Variants in CTDSPL observed in about 807,000 individuals in gnomAD.
The protein encoded by CTDSPL is CTD small phosphatase-like protein.
A neutral mutation model predicts 30.5 loss-of-function variants in CTDSPL; 8 were observed. That is an observed-to-expected ratio of 0.26 (90% confidence interval 0.15 to 0.47). The LOEUF (loss-of-function observed/expected upper bound fraction) is 0.47, where lower values mean the gene tolerates loss of function less well. CTDSPL is among the 20% of genes least tolerant of loss of function. The pLI is 0.99. For synonymous variants in CTDSPL, 110 were observed against 137.9 expected (o/e 0.80, Z 1.42); for missense variants, 248 against 366.1 (o/e 0.68, Z 2.63).
At chr3:37,949,380 A>G (rs1327957476) in intron 2 of CTDSPL, among the ~76,000 whole-genome samples, 1 of 152,258 alleles carries the variant, frequency 6.6e-6, no homozygotes, top group Non-Finnish European at 1.5e-5. Flanking sequence ...AGCATAGATT[A>G]TAATACCGAA....
chr3:37,928,945 T>C (rs1391687122), intron 1 of CTDSPL, among the ~76,000 whole-genome samples: 1 of 152,234 alleles, frequency 6.6e-6, no homozygotes, highest in Non-Finnish European at 1.5e-5. Flanking sequence ...CCATTTTGAG[T>C]TGACTTTTGT....
At chr3:37,963,546 G>A (rs1699266001) in intron 3 of CTDSPL, among the ~76,000 whole-genome samples, 1 of 152,176 alleles carries the variant, frequency 6.6e-6, no homozygotes, top group Non-Finnish European at 1.5e-5. Context: ...ATTAAAGAGA[G>A]TTTGACCTTC....
intron 5 of CTDSPL, 71 bp from the exon 6 acceptor site, chr3:37,971,336 G>A: frequency 1.5e-6 from 2 of 1,343,562 alleles, no homozygotes; most frequent in Non-Finnish European, 2.1e-6. Flanking sequence ...TTCCTACAGT[G>A]GGCATTTGGG....
chr3:37,887,993 A>G (rs541961144), intron 1 of CTDSPL, among the ~76,000 whole-genome samples: 3 of 152,206 alleles, frequency 2.0e-5, no homozygotes, highest in Non-Finnish European at 4.4e-5. Context: ...ACAGGCTGCA[A>G]CCACGCAGAT....
intron 1 of CTDSPL, among the ~76,000 whole-genome samples, chr3:37,885,061 G>T (rs981283431): frequency 6.6e-6 from 1 of 152,210 alleles, no homozygotes; most frequent in East Asian, 1.9e-4. Flanking sequence ...GGCCCAGCAG[G>T]CTTCACAGAG....
In CTDSPL at chr3:37,984,109, C is replaced by T. The variant is rs755537888; in HGVS notation, c.*3242C>T. On this transcript the variant is annotated 3_prime_UTR_variant, in exon 8 of 8. Transcript: ENST00000273179. ...TGCCTCTGCTTTTAAAGGTGCTGTGCTGGACAGTTGGCATGCCAGGGTTCG... is the reference window on the plus strand; with the variant it reads ...TGCCTCTGCTTTTAAAGGTGCTGTGTTGGACAGTTGGCATGCCAGGGTTCG... 4 of 439,326 alleles carry T rather than the reference C, an allele frequency of 9.1e-6. No individual in the cohort carries two copies. Among genetic ancestry groups the T allele is most frequent in the Non-Finnish European group, 1.9e-5 (4 of 214,364 alleles). The allele number at this position is 439,326 out of a possible 1,614,324, so 27.2% of individuals were successfully genotyped here. A position where few individuals can be genotyped will look rare whatever the true frequency, so the allele number is the denominator to read the frequency against.
chr3:37,954,179 G>A (rs913657208), intron 2 of CTDSPL, among the ~76,000 whole-genome samples: 4 of 152,330 alleles, frequency 2.6e-5, no homozygotes, highest in Admixed American at 1.3e-4. Context: ...GTACTCAGCC[G>A]TATCTATCAG....
At chr3:37,866,959 A>G (rs901387893) in intron 1 of CTDSPL, among the ~76,000 whole-genome samples, 4 of 152,242 alleles carry the variant, frequency 2.6e-5, no homozygotes, top group Admixed American at 2.0e-4. Flanking sequence ...GAGACTTTCT[A>G]TGCCCTCTAC....
intron 1 of CTDSPL, among the ~76,000 whole-genome samples, chr3:37,936,622 C>T (rs1405665540): frequency 1.4e-5 from 2 of 146,892 alleles, no homozygotes; most frequent in African/African-American, 2.6e-5. Context: ...TTAAATGTCC[C>T]TGGCCTTCAG....
At position 37,915,157 on chromosome 3, in the gene CTDSPL, T is replaced by C. The variant is rs530094007; in HGVS notation, c.80-31900T>C. On this transcript the variant is annotated intron_variant, in intron 1 of 7. Coordinates refer to ENST00000273179, the MANE Select transcript of CTDSPL (RefSeq NM_001008392.2). ...TGATATTCTAGTGTCTTCTGGCTTT[T>C]AGTATATTCATTAAATGAATTGTTG... Among the ~76,000 whole-genome samples the C allele has an allele frequency of 2.6e-4, 39 of 152,328 alleles. 1 individual carries two copies. The South Asian group carries it at 7.2e-3, about 28-fold the overall frequency.
intron 1 of CTDSPL, among the ~76,000 whole-genome samples, chr3:37,919,350 A>T (rs1036316931): frequency 6.6e-5 from 10 of 152,160 alleles, no homozygotes; most frequent in African/African-American, 2.4e-4. Context: ...AATATTTAGA[A>T]CAGTTTCCAG....
intron 1 of CTDSPL, among the ~76,000 whole-genome samples, chr3:37,935,284 T>G (rs1698902160): frequency 6.6e-6 from 1 of 152,174 alleles, no homozygotes; most frequent in South Asian, 2.1e-4. Flanking sequence ...CTCACCACCA[T>G]CGTCTATATG....
In CTDSPL at chr3:37,967,882, G is replaced by A; in HGVS notation, c.426G>A (p.Gln142=). The A allele has an allele frequency of 6.3e-7, 1 of 1,587,988 alleles. No homozygotes were observed. Among genetic ancestry groups the A allele is most frequent in the Admixed American group, 1.8e-5 (1 of 54,870 alleles). The change falls in exon 5 of 8, where the codon CAG becomes CAA. Residue 142 remains glutamine (Q), a splice_region_variant and synonymous_variant. Transcript: ENST00000273179. The part of the protein sequence containing the change: ...VPVEIDGTIH[Q]VYVLKRPHVD... The stretch of plus-strand genomic sequence containing the variant: ...TTGAAATCGATGGAACTATACATCA[G>A]GTAAGAAACTGAAGCTAAATTTGAG...
intron 1 of CTDSPL, among the ~76,000 whole-genome samples, chr3:37,902,884 T>C (rs936315385): frequency 1.3e-5 from 2 of 152,160 alleles, no homozygotes; most frequent in African/African-American, 4.8e-5. Context: ...TCCTCTCCAA[T>C]ACGTTACTCA....
Position 37,981,712 on chromosome 3 carries a change from AC to A in CTDSPL, c.*846del. 2 of 404,860 alleles carry A rather than the reference AC, an allele frequency of 4.9e-6. No homozygotes were observed. 25.1% of individuals were successfully genotyped at this position (404,860 alleles called of 1,614,324 possible). On this transcript the variant is annotated 3_prime_UTR_variant, in exon 8 of 8. Transcript: ENST00000273179. ...ACTTCTGCTCTCACACTACTGCCAT[AC>A]ATTTGTGTTTTTTGTTGTTATTGTT...
At chr3:37,863,683 T>G (rs1320618597) in intron 1 of CTDSPL, among the ~76,000 whole-genome samples, 2 of 152,174 alleles carry the variant, frequency 1.3e-5, no homozygotes, top group African/African-American at 4.8e-5. Flanking sequence ...GGGTGAGGTG[T>G]GCAGCCCCTG....
At chr3:37,866,154 G>A (rs183660411) in intron 1 of CTDSPL, among the ~76,000 whole-genome samples, 1 of 152,334 alleles carries the variant, frequency 6.6e-6, no homozygotes, top group Non-Finnish European at 1.5e-5. Context: ...CTAAGTGTCA[G>A]TAGGTGAATG....
At chr3:37,881,034 A>G (rs1023360845) in intron 1 of CTDSPL, among the ~76,000 whole-genome samples, 11 of 151,838 alleles carry the variant, frequency 7.2e-5, no homozygotes, top group East Asian at 3.9e-4. Context: ...AAAAAAAAAA[A>G]AAAGAAAGAA....
At chr3:37,947,249 G>T (rs778140744) in intron 2 of CTDSPL, 38 bp downstream of exon 2, 2 of 1,589,168 alleles carry the variant, frequency 1.3e-6, no homozygotes, top group Non-Finnish European at 1.7e-6. Context: ...CCATAAAACT[G>T]CAGCAGTGGC....
Sources: allele counts gnomAD v4.1 joint callset (sites outside exome capture counted in the v4.1 genomes callset), GRCh38; gene constraint gnomAD v4.1.1; transcripts MANE v1.5; gene names NCBI Gene and HGNC (gene_info 2026-07-23, HGNC 2026-07-21).